MCF2L2: variants seen among roughly 807,000 people sequenced by gnomAD.
MCF2L2 encodes probable guanine nucleotide exchange factor MCF2L2.
Under a neutral mutation model 150.2 loss-of-function variants are expected in MCF2L2, and 102 were observed. That is an observed-to-expected ratio of 0.68 (90% confidence interval 0.58 to 0.80). The LOEUF (loss-of-function observed/expected upper bound fraction) is 0.80, where lower values mean the gene tolerates loss of function less well. MCF2L2 is among the 30% of genes least tolerant of loss of function. The probability of loss-of-function intolerance (pLI) is 0.00; values close to 1 mark genes in which losing one functional copy is unlikely to be tolerated. For missense variants in MCF2L2, 1,256 were observed against 1,372.8 expected, an observed-to-expected ratio of 0.91 and a Z score of 1.34; for synonymous variants, 465 against 491.3, an observed-to-expected ratio of 0.95 and a Z score of 0.71.
At chr3:183,298,367 T>A (rs1409411739) in intron 11 of MCF2L2, 1 of 152,084 alleles carries the variant, frequency 6.6e-6, no homozygotes, top group East Asian at 1.9e-4. Context: ...AGAAAAAAGA[T>A]CAAAATGCAA....
intron 15 of MCF2L2, among the ~76,000 whole-genome samples, chr3:183,266,554 T>A (rs1726141483): frequency 6.6e-6 from 1 of 152,228 alleles, no homozygotes; most frequent in Non-Finnish European, 1.5e-5. Flanking sequence ...TTTTGGGGCT[T>A]CAGAGGATGG....
chr3:183,221,565 T>A (rs1723149358), intron 20 of MCF2L2, among the ~76,000 whole-genome samples: 1 of 152,102 alleles, frequency 6.6e-6, no homozygotes, highest in South Asian at 2.1e-4. Flanking sequence ...AAATGTCACC[T>A]CTGTGGGAAA....
chr3:183,314,065 T>C (rs369398811), intron 7 of MCF2L2, among the ~76,000 whole-genome samples: 20 of 152,230 alleles, frequency 1.3e-4, no homozygotes, highest in African/African-American at 4.6e-4. Flanking sequence ...CAGGGAAGGC[T>C]AAAGCTGCTT....
chr3:183,219,841 T>A lies in MCF2L2; in HGVS notation c.2370+15A>T. The A allele has an allele frequency of 6.4e-7, 1 of 1,564,866 alleles. No individual in the cohort carries two copies. The highest frequency in any genetic ancestry group is 8.8e-7 in the Non-Finnish European group (1 of 1,135,594). The stretch of plus-strand genomic sequence containing the variant: ...ATAGTTAGTTATATAAAATGTAATA[T>A]TTAATATTGAGTACCTTAGCCGAGC... On this transcript the variant is annotated intron_variant, in intron 21 of 29. Coordinates refer to ENST00000328913, the MANE Select transcript of MCF2L2 (RefSeq NM_015078.4).
chr3:183,249,901 T>C (rs1171213646), intron 15 of MCF2L2, among the ~76,000 whole-genome samples: 1 of 152,144 alleles, frequency 6.6e-6, no homozygotes, highest in Non-Finnish European at 1.5e-5. Flanking sequence ...GTGACAGGCA[T>C]TATTGTGAGG....
intron 18 of MCF2L2, chr3:183,228,048 A>ACACACACACACACAC: frequency 8.9e-6 from 1 of 112,554 alleles, no homozygotes; most frequent in Non-Finnish European, 1.9e-5. Context: ...CACACACACA[A>ACACACACACACACAC]TGGTAATGAA....
chr3:183,212,402 T>C lies in MCF2L2; in HGVS notation c.2496+3567A>G, dbSNP rs1355853884. The stretch of plus-strand genomic sequence containing the variant: ...AACCTGATGGTTGTGAACTCAGAGA[T>C]GGAACATAGCGGCTACCTCAAATGA... On this transcript the variant is annotated intron_variant, in intron 22 of 29. Transcript: ENST00000328913. Among the ~76,000 whole-genome samples the C allele has an allele frequency of 2.6e-5, 4 of 152,210 alleles. No individual in the cohort carries two copies. In the East Asian group the frequency reaches 7.7e-4, roughly 29 times the overall value.
intron 27 of MCF2L2, among the ~76,000 whole-genome samples, chr3:183,188,947 G>A (rs573393483): frequency 6.6e-6 from 1 of 151,588 alleles, no homozygotes; most frequent in East Asian, 1.9e-4. Flanking sequence ...CAGCCTGAGC[G>A]ACAAGTGTGA....
At chr3:183,385,961 A>G (rs1300822014) in intron 2 of MCF2L2, among the ~76,000 whole-genome samples, 1 of 152,230 alleles carries the variant, frequency 6.6e-6, no homozygotes, top group African/African-American at 2.4e-5. Flanking sequence ...ACCTTGAATC[A>G]AGAGTTGACA....
At chr3:183,205,657 C>CCAAAAGGGA (rs1479305125) in intron 25 of MCF2L2, among the ~76,000 whole-genome samples, 1 of 152,078 alleles carries the variant, frequency 6.6e-6, no homozygotes, top group Non-Finnish European at 1.5e-5. Context: ...GGGAACACAA[C>CCAAAAGGGA]CAAAAGGGAC....
intron 3 of MCF2L2, among the ~76,000 whole-genome samples, chr3:183,362,713 T>C (rs1216354244): frequency 6.6e-6 from 1 of 151,950 alleles, no homozygotes; most frequent in Non-Finnish European, 1.5e-5. Flanking sequence ...TAACAGAAGA[T>C]GATATATCTT....
intron 5 of MCF2L2, among the ~76,000 whole-genome samples, chr3:183,328,908 A>C (rs916926863): frequency 6.6e-5 from 10 of 152,252 alleles, no homozygotes; most frequent in Non-Finnish European, 1.3e-4. Flanking sequence ...ATACAGATGG[A>C]AAATAAATAC....
chr3:183,319,288 T>C (rs894767193), intron 6 of MCF2L2, among the ~76,000 whole-genome samples: 1 of 152,258 alleles, frequency 6.6e-6, no homozygotes, highest in Admixed American at 6.5e-5. Context: ...GTTGCAGCAA[T>C]GCAGTCACAT....
intron 14 of MCF2L2, among the ~76,000 whole-genome samples, chr3:183,280,317 A>C (rs888546243): frequency 6.6e-6 from 1 of 152,196 alleles, no homozygotes; most frequent in Non-Finnish European, 1.5e-5. Flanking sequence ...ATTTTGTAAA[A>C]AAATTATATT....
intron 5 of MCF2L2, among the ~76,000 whole-genome samples, chr3:183,325,420 G>GAA (rs1341992642): frequency 6.6e-6 from 1 of 152,110 alleles, no homozygotes; most frequent in Non-Finnish European, 1.5e-5. Flanking sequence ...CTCCACTTCT[G>GAA]AAAATGGTTT....
intron 13 of MCF2L2, among the ~76,000 whole-genome samples, chr3:183,292,556 T>TACACACACACACACACAC (rs58788215): frequency 1.4e-5 from 2 of 145,474 alleles, no homozygotes; most frequent in African/African-American, 5.0e-5. Flanking sequence ...AGGGGGTATG[T>TACACACACACACACACAC]ACACACACAC....
At chr3:183,297,930 GT>G (rs1291903770) in intron 11 of MCF2L2, 4 of 152,136 alleles carry the variant, frequency 2.6e-5, no homozygotes, top group Non-Finnish European at 5.9e-5. Flanking sequence ...ATCCGAATTG[GT>G]TACCAGAACA....
chr3:183,257,099 G>A (rs898746501), intron 15 of MCF2L2, among the ~76,000 whole-genome samples: 2 of 152,092 alleles, frequency 1.3e-5, no homozygotes, highest in African/African-American at 4.8e-5. Flanking sequence ...ACCCATCCTG[G>A]TAAAGCTACA....
intron 10 of MCF2L2, among the ~76,000 whole-genome samples, chr3:183,302,344 TC>T: frequency 6.6e-6 from 1 of 152,302 alleles, no homozygotes; most frequent in East Asian, 1.9e-4. Context: ...TTGGGAGCGC[TC>T]TGCATACAAG....
Sources: gnomAD v4.1 joint callset for allele counts (sites outside exome capture counted in the v4.1 genomes callset) on GRCh38, gnomAD v4.1.1 for gene constraint, MANE v1.5 for transcripts, NCBI Gene and HGNC (gene_info 2026-07-23, HGNC 2026-07-21) for gene names.